ALPK3: variants seen among roughly 807,000 people sequenced by gnomAD.
ALPK3 encodes the protein alpha-protein kinase 3.
A neutral mutation model predicts 140.0 loss-of-function variants in ALPK3; 102 were observed. That is an observed-to-expected ratio of 0.73 (90% CI 0.62 to 0.86). ALPK3 has a LOEUF of 0.86. Among genes scored for constraint, ALPK3 ranks in the 40% least tolerant of loss-of-function variants. The pLI is 0.00. For missense variants in ALPK3, 2,254 were observed against 2,208.2 expected (o/e 1.02, Z -0.42); for synonymous variants, 938 against 898.5 (o/e 1.04, Z -0.79).
At chr15:84,867,704 G>C (rs1293993868) in intron 13 of ALPK3, among the ~76,000 whole-genome samples, 1 of 152,174 alleles carries the variant, frequency 6.6e-6, no homozygotes, top group African/African-American at 2.4e-5. Context: ...TTTATGTTCA[G>C]AAGCTAAGCC....
chr15:84,873,133 C>G lies in ALPK3; in HGVS notation c.*4677C>G, dbSNP rs1052355673. The G allele has an allele frequency of 6.6e-6, 1 of 152,160 alleles. No individual in the cohort carries two copies. The highest frequency in any genetic ancestry group is 1.5e-5 in the Non-Finnish European group (1 of 68,040). 9.4% of individuals were successfully genotyped at this position (152,160 alleles called of 1,614,324 possible). On this transcript the variant is annotated 3_prime_UTR_variant, in exon 14 of 14. Coordinates refer to ENST00000258888, the MANE Select transcript of ALPK3 (RefSeq NM_020778.5). The stretch of plus-strand genomic sequence containing the variant: ...GTTCACAGCAGCTCTTTCAAGCAGC[C>G]TCCCAGGCCTAGAGAGGAAAATCAG...
chr15:84,846,739 A>G (rs1370283110), intron 5 of ALPK3, among the ~76,000 whole-genome samples: 2 of 152,158 alleles, frequency 1.3e-5, no homozygotes, highest in Admixed American at 6.6e-5. Flanking sequence ...CCAAATATCA[A>G]TTTTATTCAT....
At chr15:84,853,178 T>C (rs1963825373) in intron 5 of ALPK3, among the ~76,000 whole-genome samples, 1 of 152,242 alleles carries the variant, frequency 6.6e-6, no homozygotes, top group African/African-American at 2.4e-5. Context: ...CTTATGTCTT[T>C]ATTAACATTT....
intron 5 of ALPK3, among the ~76,000 whole-genome samples, chr15:84,846,370 T>C (rs546289832): frequency 1.3e-5 from 2 of 152,332 alleles, no homozygotes; most frequent in African/African-American, 4.8e-5. Context: ...GTGACACAGA[T>C]GTTAGAATCA....
Position 84,862,926 on chromosome 15 carries a change from C to G in ALPK3, c.4410+11C>G, listed in dbSNP as rs753316370. ...GACGTCACCATCCAGGTACTATGTC[C>G]CATCTTCACACCCCATTCTTTTATT... is the stretch of plus-strand genomic sequence containing the variant. On this transcript the variant is annotated intron_variant, in intron 10 of 13. Transcript: ENST00000258888. 4 of 1,609,750 alleles carry G rather than the reference C, an allele frequency of 2.5e-6. No homozygotes were observed. In the African/African-American group the frequency reaches 5.3e-5, roughly 22 times the overall value.
chr15:84,841,062 C>A, intron 5 of ALPK3, 130 bp downstream of exon 5: 2 of 1,277,108 alleles, frequency 1.6e-6, no homozygotes, highest in South Asian at 1.6e-5. Context: ...GACTGGAGTG[C>A]CAGCTACAGG....
intron 1 of ALPK3, among the ~76,000 whole-genome samples, chr15:84,817,896 C>T (rs1229520868): frequency 6.6e-6 from 1 of 152,196 alleles, no homozygotes; most frequent in African/African-American, 2.4e-5. Context: ...GCCCCCTACC[C>T]TGCTACTCCC....
rs1022937139 is a variant in ALPK3, at chr15:84,868,560, C to T, written c.*104C>T. 23 of 1,145,122 alleles carry T rather than the reference C, an allele frequency of 2.0e-5. No individual in the cohort carries two copies. Among genetic ancestry groups the T allele is most frequent in the East Asian group, 5.1e-5 (2 of 38,856 alleles). 70.9% of individuals were successfully genotyped at this position (1,145,122 alleles called of 1,614,324 possible). On this transcript the variant is annotated 3_prime_UTR_variant, in exon 14 of 14. Coordinates refer to ENST00000258888, the MANE Select transcript of ALPK3 (RefSeq NM_020778.5). ...TATGGAACTAACTGGAGAAGGTGCA[C>T]GAAGGAGACACCACTTGGGGACCTC...
intron 2 of ALPK3, 102 bp downstream of exon 2, chr15:84,823,470 G>C: frequency 7.3e-7 from 1 of 1,360,862 alleles, no homozygotes; most frequent in Non-Finnish European, 1.0e-6. Flanking sequence ...GGCTGCATGG[G>C]GTGAGGGGAG....
intron 2 of ALPK3, among the ~76,000 whole-genome samples, chr15:84,826,540 G>C (rs1308910169): frequency 6.6e-6 from 1 of 152,172 alleles, no homozygotes; most frequent in Admixed American, 6.5e-5. Context: ...AACGCACTGT[G>C]TCTCTGCTGG....
At position 84,863,659 on chromosome 15, in the gene ALPK3, G is replaced by C; in HGVS notation, c.4499+19G>C. On this transcript the variant is annotated intron_variant, in intron 11 of 13. Transcript: ENST00000258888. ...TGCCTGAGTAAGTACGCAGCGAGGA[G>C]GACGTGCAGTGTGCAGCACTGTTGC... The C allele has an allele frequency of 6.2e-7, 1 of 1,611,510 alleles. No homozygotes were observed. Among genetic ancestry groups the C allele is most frequent in the Non-Finnish European group, 8.5e-7 (1 of 1,178,552 alleles).
At chr15:84,854,564 G>A (rs1963839836) in intron 5 of ALPK3, among the ~76,000 whole-genome samples, 1 of 152,194 alleles carries the variant, frequency 6.6e-6, no homozygotes, top group Non-Finnish European at 1.5e-5. Flanking sequence ...TGAGATTACA[G>A]GTTTGAGCCA....
intron 5 of ALPK3, chr15:84,852,687 A>G (rs1487070626): frequency 1.6e-5 from 3 of 183,214 alleles, no homozygotes; most frequent in Non-Finnish European, 3.4e-5. Context: ...GCCACAGTTA[A>G]CTGAAACCAC....
In ALPK3 at chr15:84,866,861, G is replaced by A. The variant is rs548633119; in HGVS notation, c.4724-456G>A. Among the ~76,000 whole-genome samples, 4 of 152,278 alleles carry A rather than the reference G, an allele frequency of 2.6e-5. No individual in the cohort carries two copies. The South Asian group carries it at 8.3e-4, about 32-fold the overall frequency. ...AGCTCAAAGCTAGAGGCTGGTCCAG[G>A]TTGTGACCTGGTCTGATCCAGTAGA... On this transcript the variant is annotated intron_variant, in intron 12 of 13. Transcript: ENST00000258888.
intron 5 of ALPK3, among the ~76,000 whole-genome samples, chr15:84,843,185 G>C (rs1963686577): frequency 1.3e-5 from 2 of 152,332 alleles, no homozygotes; most frequent in East Asian, 3.9e-4. Context: ...CTCATGGTTA[G>C]GCTGGGTACA....
At position 84,871,049 on chromosome 15, in the gene ALPK3, A is replaced by G. The variant is rs2141578126; in HGVS notation, c.*2593A>G. 2 of 152,758 alleles carry G rather than the reference A, an allele frequency of 1.3e-5. 1 individual carries two copies. The highest frequency in any genetic ancestry group is 4.1e-4 in the South Asian group (2 of 4,830). The allele number at this position is 152,758 out of a possible 1,614,324, so 9.5% of individuals were successfully genotyped here. ...ATAATCTCCCTCTTTCAGTTTTATC[A>G]CAATTCCATTTTGAAATTCTACAAC... is the stretch of plus-strand genomic sequence containing the variant. On this transcript the variant is annotated 3_prime_UTR_variant, in exon 14 of 14. Transcript: ENST00000258888.
chr15:84,849,833 C>T (rs545789762), intron 5 of ALPK3, among the ~76,000 whole-genome samples: 2 of 151,648 alleles, frequency 1.3e-5, no homozygotes, highest in South Asian at 2.1e-4. Context: ...AACCTAAGTT[C>T]CCACCTTAGA....
At chr15:84,862,156 T>C (rs556033314) in intron 9 of ALPK3, among the ~76,000 whole-genome samples, 69 of 152,304 alleles carry the variant, frequency 4.5e-4, no homozygotes, top group African/African-American at 1.4e-3. Context: ...CGGTCACAAT[T>C]TGAGCATTAG....
chr15:84,842,441 C>T (rs60645432), intron 5 of ALPK3, among the ~76,000 whole-genome samples: 25,023 of 152,148 alleles, frequency 0.16, 2,337 homozygotes, highest in Non-Finnish European at 0.21. Context: ...AGTTATAGAT[C>T]GGGAATGGCT....
Sources: gnomAD v4.1 joint callset for allele counts (sites outside exome capture counted in the v4.1 genomes callset) on GRCh38, gnomAD v4.1.1 for gene constraint, MANE v1.5 for transcripts, NCBI Gene and HGNC (gene_info 2026-07-23, HGNC 2026-07-21) for gene names.